Variants in PRDM6 observed in about 807,000 individuals in gnomAD.
PRDM6 encodes PR/SET domain 6.
In PRDM6, 25 loss-of-function variants were observed where a neutral mutation model predicts 60.8. That is an observed-to-expected ratio of 0.41 (90% CI 0.30 to 0.57). The LOEUF is 0.57. Ranked by LOEUF, PRDM6 falls within the 20% of genes least tolerant of loss-of-function variation. The pLI, the probability that PRDM6 is intolerant of heterozygous loss-of-function variation, is 0.27. For synonymous variants in PRDM6, 407 were observed against 357.4 expected, an observed-to-expected ratio of 1.14 and a Z score of -1.57; for missense variants, 839 against 821.3, an observed-to-expected ratio of 1.02 and a Z score of -0.26.
At chr5:123,132,217 A>G (rs1238356601) in intron 3 of PRDM6, among the ~76,000 whole-genome samples, 1 of 152,238 alleles carries the variant, frequency 6.6e-6, no homozygotes, top group South Asian at 2.1e-4. Flanking sequence ...CCAAACTTCT[A>G]TATTGTAGTA....
chr5:123,154,782 A>AAGT (rs1185128532), intron 3 of PRDM6, among the ~76,000 whole-genome samples: 1 of 152,152 alleles, frequency 6.6e-6, no homozygotes, highest in Non-Finnish European at 1.5e-5. Flanking sequence ...TGCTCTGGAG[A>AAGT]AGTAGCTACC....
At chr5:123,165,129 C>G (rs968215511) in intron 5 of PRDM6, among the ~76,000 whole-genome samples, 7 of 152,208 alleles carry the variant, frequency 4.6e-5, no homozygotes, top group African/African-American at 1.7e-4. Flanking sequence ...GAGACAGGTA[C>G]TCCCAGATTT....
chr5:123,154,759 C>G (rs983957922), intron 3 of PRDM6, among the ~76,000 whole-genome samples: 44 of 152,224 alleles, frequency 2.9e-4, no homozygotes, highest in African/African-American at 8.9e-4. Context: ...GTGAGAGACA[C>G]GATTTGTCAG....
chr5:123,156,796 C>A (rs142030299), intron 4 of PRDM6, among the ~76,000 whole-genome samples: 230 of 152,274 alleles, frequency 1.5e-3, no homozygotes, highest in African/African-American at 5.3e-3. Context: ...TGAAGCATTT[C>A]CACTTAGTGC....
At chr5:123,143,996 C>T (rs1022479203) in intron 3 of PRDM6, among the ~76,000 whole-genome samples, 2 of 152,118 alleles carry the variant, frequency 1.3e-5, no homozygotes, top group Admixed American at 6.5e-5. Context: ...GTCAGTCTAT[C>T]TCTGTGATTG....
At chr5:123,161,157 A>G in intron 5 of PRDM6, among the ~76,000 whole-genome samples, 1 of 152,250 alleles carries the variant, frequency 6.6e-6, no homozygotes, top group East Asian at 1.9e-4. Context: ...AACCTGCTAC[A>G]GACTCTGAAG....
At position 123,099,686 on chromosome 5, in the gene PRDM6, G is replaced by A; in HGVS notation, c.625G>A (p.Glu209Lys). 6.7e-7 allele frequency: 1 copy of A among 1,485,196 alleles called. No homozygotes were observed. Among genetic ancestry groups the A allele is most frequent in the Non-Finnish European group, 9.0e-7 (1 of 1,115,386 alleles). The allele number at this position is 1,485,196 out of a possible 1,614,324, so 92.0% of individuals were successfully genotyped here. The change falls in exon 3 of 8, where the codon GAG becomes AAG. Residue 209 changes from glutamate to lysine, a missense_variant. Physicochemically the swap from Glu to Lys is moderately conservative, Grantham distance 56 (BLOSUM62 1). Coordinates refer to ENST00000407847, the MANE Select transcript of PRDM6 (RefSeq NM_001136239.4). This position sits in a 1 kb window ranked among gnomAD's most constrained non-coding sequence, Gnocchi z 4.0. The stretch of plus-strand genomic sequence containing the variant: ...CATGTGCGCGGACAACCGCAACGGC[G>A]AGTGCCCTATGCATGGGCCACTGCA... Reference protein sequence around the residue: ...CDMCADNRNGECPMHGPLHSL... With the variant: ...CDMCADNRNGKCPMHGPLHSL...
intron 3 of PRDM6, among the ~76,000 whole-genome samples, chr5:123,137,826 A>G (rs1765000164): frequency 6.6e-6 from 1 of 152,166 alleles, no homozygotes; most frequent in South Asian, 2.1e-4. Context: ...ATACACAGAA[A>G]AGTGTTCTTA....
At chr5:123,138,991 A>G (rs1021051338) in intron 3 of PRDM6, among the ~76,000 whole-genome samples, 5 of 152,104 alleles carry the variant, frequency 3.3e-5, no homozygotes, top group East Asian at 1.9e-4. Flanking sequence ...TGTTCTCCTG[A>G]TAGTGAGTTC....
chr5:123,099,633 C>A lies in PRDM6; in HGVS notation c.593-21C>A. ...CCGGATTAACCCGCTCCCTTCCCTT[C>A]CTCCTTCTTGTCTCCCGCAGGTTGC... On this transcript the variant is annotated intron_variant, in intron 2 of 7. Coordinates refer to ENST00000407847, the MANE Select transcript of PRDM6 (RefSeq NM_001136239.4). The surrounding 1 kb of genome is among the most constrained non-coding windows in gnomAD (Gnocchi z 4.0). The A allele has an allele frequency of 6.9e-7, 1 of 1,443,210 alleles. No homozygotes were observed. The highest frequency in any genetic ancestry group is 9.1e-7 in the Non-Finnish European group (1 of 1,094,422). 89.4% of individuals were successfully genotyped at this position (1,443,210 alleles called of 1,614,324 possible). A position where few individuals can be genotyped will look rare whatever the true frequency, so the allele number is the denominator to read the frequency against.
chr5:123,145,865 A>G (rs1407316395), intron 3 of PRDM6, among the ~76,000 whole-genome samples: 1 of 152,234 alleles, frequency 6.6e-6, no homozygotes, highest in African/African-American at 2.4e-5. Flanking sequence ...AAAGAGTGAC[A>G]CATTTCAGCA....
At chr5:123,158,365 A>T (rs796441915) in intron 4 of PRDM6, among the ~76,000 whole-genome samples, 36 of 152,294 alleles carry the variant, frequency 2.4e-4, no homozygotes, top group African/African-American at 7.9e-4. Context: ...GGAGATGCAG[A>T]GGGAGGAAGG....
At chr5:123,180,447 A>G in intron 7 of PRDM6, 124 bp downstream of exon 7, 3 of 1,016,208 alleles carry the variant, frequency 3.0e-6, no homozygotes, top group Non-Finnish European at 4.2e-6. Flanking sequence ...GCCAGTGTCC[A>G]GGCTGCAAAC....
chr5:123,115,708 A>G (rs562460980), intron 3 of PRDM6, among the ~76,000 whole-genome samples: 2 of 152,338 alleles, frequency 1.3e-5, no homozygotes, highest in South Asian at 4.1e-4. Flanking sequence ...AGATTTCCCC[A>G]TATTGAAAAT....
chr5:123,155,802 C>T (rs1580524399), intron 3 of PRDM6, 82 bp from the exon 4 acceptor site: 17 of 1,466,538 alleles, frequency 1.2e-5, no homozygotes, highest in Non-Finnish European at 1.5e-5. Context: ...CTGCAGCTGA[C>T]ACATAAAGAC....
In PRDM6 at chr5:123,188,916, TATATATAC is replaced by T. The variant is rs1284661290; in HGVS notation, c.*1725_*1732del. ...TGTTTACAGTTATTATTTATATACG[TATATATAC>T]ATATATACACATAATAATAATCTCT... On this transcript the variant is annotated 3_prime_UTR_variant, in exon 8 of 8. Coordinates refer to ENST00000407847, the MANE Select transcript of PRDM6 (RefSeq NM_001136239.4). The T allele has an allele frequency of 1.3e-5, 2 of 152,202 alleles. No individual in the cohort carries two copies. The highest frequency in any genetic ancestry group is 2.9e-5 in the Non-Finnish European group (2 of 68,040). The allele number at this position is 152,202 out of a possible 1,614,324, so 9.4% of individuals were successfully genotyped here.
At chr5:123,161,284 T>C (rs1043704023) in intron 5 of PRDM6, among the ~76,000 whole-genome samples, 10 of 152,252 alleles carry the variant, frequency 6.6e-5, no homozygotes, top group Admixed American at 3.3e-4. Context: ...CCAGTGTCTT[T>C]GCTGGGTGAT....
Position 123,187,113 on chromosome 5 carries a change from C to G in PRDM6, c.1700C>G (p.Thr567Arg). The change falls in exon 8 of 8, where the codon ACG becomes AGG. Residue 567 changes from threonine to arginine, a missense_variant. Physicochemically the swap from Thr to Arg is moderately conservative, Grantham distance 71. Transcript: ENST00000407847. ...FKCERCERSF[T>R]QATQLSRHQR... ...TGCGAGAGGTGTGAGAGGAGCTTCA[C>G]GCAGGCCACCCAGCTGAGCCGACAC... is the stretch of plus-strand genomic sequence containing the variant. The G allele has an allele frequency of 1.3e-6, 2 of 1,551,472 alleles. No individual in the cohort carries two copies. Among genetic ancestry groups the G allele is most frequent in the South Asian group, 1.2e-5 (1 of 84,058 alleles).
intron 3 of PRDM6, among the ~76,000 whole-genome samples, chr5:123,103,088 A>G (rs1764137552): frequency 6.6e-6 from 1 of 152,064 alleles, no homozygotes; most frequent in Non-Finnish European, 1.5e-5. Flanking sequence ...TTCTTTGTGT[A>G]TAATCATAGT....
Sources: allele counts gnomAD v4.1 joint callset (sites outside exome capture counted in the v4.1 genomes callset), GRCh38; gene constraint gnomAD v4.1.1; non-coding constraint Gnocchi (gnomAD v3.1); transcripts MANE v1.5; gene names NCBI Gene and HGNC (gene_info 2026-07-23, HGNC 2026-07-21).